The following GIT2 variants were observed in gnomAD, a reference collection of about 807,000 sequenced individuals.
The protein encoded by GIT2 is GIT ArfGAP 2.
GIT2 carries 32 observed loss-of-function variants against 100.3 expected under a neutral mutation model. That is an observed-to-expected ratio of 0.32 (90% CI 0.24 to 0.43). The LOEUF is 0.43. Ranked by LOEUF, GIT2 falls within the 20% of genes least tolerant of loss-of-function variation. The pLI, the probability that GIT2 is intolerant of heterozygous loss-of-function variation, is 1.00. For synonymous variants in GIT2, 353 were observed against 364.1 expected (o/e 0.97, Z 0.35); for missense variants, 737 against 975.1 (o/e 0.76, Z 3.25).
rs576593189 is a variant in GIT2, at chr12:109,970,417, C to T, written c.719-2914G>A. Among the ~76,000 whole-genome samples, 10 of 152,172 alleles carry T rather than the reference C, an allele frequency of 6.6e-5. No individual in the cohort carries two copies. The South Asian group carries it at 1.2e-3, about 19-fold the overall frequency. On this transcript the variant is annotated intron_variant, in intron 7 of 19. Transcript: ENST00000355312. ...CTGAGGCAGAAGAATCACTTGAACC[C>T]GGGAGGCCGAGGTTGCAGTGAGCCA... is the stretch of plus-strand genomic sequence containing the variant.
intron 16 of GIT2, among the ~76,000 whole-genome samples, chr12:109,941,377 T>G (rs563153154): frequency 6.6e-6 from 1 of 152,162 alleles, no homozygotes; most frequent in Non-Finnish European, 1.5e-5. Context: ...TCTGGCTTTA[T>G]GAACAGTCAG....
upstream of GIT2, chr12:109,998,070 G>A (rs1349806409): frequency 2.0e-5 from 3 of 152,160 alleles, no homozygotes; most frequent in Non-Finnish European, 4.4e-5. Flanking sequence ...GAGATAGGGA[G>A]ATTTTCAATA....
Position 109,947,548 on chromosome 12 carries a change from A to G in GIT2, c.1393-44T>C. 6.3e-7 allele frequency: 1 copy of G among 1,576,284 alleles called. No individual in the cohort carries two copies. Among genetic ancestry groups the G allele is most frequent in the Non-Finnish European group, 8.7e-7 (1 of 1,154,630 alleles). Reference sequence around the variant, plus strand: ...AGTGGGACTGTGTTTTTTTACAGCAAGCAGAAAAAGCAAACACCAAGTAAA... The same window carrying G: ...AGTGGGACTGTGTTTTTTTACAGCAGGCAGAAAAAGCAAACACCAAGTAAA... On this transcript the variant is annotated intron_variant, in intron 14 of 19. Coordinates refer to ENST00000355312, the MANE Select transcript of GIT2 (RefSeq NM_057169.5). This position sits in a 1 kb window ranked among gnomAD's most constrained non-coding sequence, Gnocchi z 4.3.
intron 16 of GIT2, among the ~76,000 whole-genome samples, chr12:109,941,570 G>A (rs1156832272): frequency 6.6e-6 from 1 of 151,224 alleles, no homozygotes; most frequent in Non-Finnish European, 1.5e-5. Flanking sequence ...TGTTGCCTGT[G>A]GAGTGCAATG....
intron 9 of GIT2, among the ~76,000 whole-genome samples, chr12:109,963,468 A>T (rs973716483): frequency 6.6e-6 from 1 of 152,260 alleles, no homozygotes; most frequent in Non-Finnish European, 1.5e-5. Flanking sequence ...TATTTCACTT[A>T]TAACACCTCT....
intron 18 of GIT2, among the ~76,000 whole-genome samples, chr12:109,937,018 G>A (rs1366946465): frequency 6.6e-6 from 1 of 152,206 alleles, no homozygotes; most frequent in Admixed American, 6.5e-5. Flanking sequence ...ATGGTATGAA[G>A]AGAATGCCTG....
chr12:109,933,943 A>G lies in GIT2; in HGVS notation c.2067+79T>C, dbSNP rs1872289027. 3 of 827,344 alleles carry G rather than the reference A, an allele frequency of 3.6e-6. No homozygotes were observed. The South Asian group carries it at 4.0e-5, about 11-fold the overall frequency. 51.3% of individuals were successfully genotyped at this position (827,344 alleles called of 1,614,324 possible). On this transcript the variant is annotated intron_variant, in intron 19 of 19. Transcript: ENST00000355312. The surrounding 1 kb of genome is among the most constrained non-coding windows in gnomAD (Gnocchi z 4.5). Reference sequence around the variant, plus strand: ...AACTGCATGTGCTACAAAAAAGCTAATGTAATATATAGGTCATAAAGAAAT... The same window carrying G: ...AACTGCATGTGCTACAAAAAAGCTAGTGTAATATATAGGTCATAAAGAAAT...
chr12:109,983,415 C>T lies in GIT2; in HGVS notation c.581G>A (p.Gly194Asp), dbSNP rs768101483. ...AGTTTTCCCACTAGAATCCTGTGTG[C>T]CTGGGTCTGCTCCATATACTGCCAA... ...ELLAVYGADPGTQDSSGKTPV... is the reference protein window; with the variant it reads ...ELLAVYGADPDTQDSSGKTPV... The change falls in exon 6 of 20, where the codon GGC becomes GAC. Residue 194 changes from glycine to aspartate, a missense_variant. Physicochemically the swap from Gly to Asp is moderately conservative, Grantham distance 94 (BLOSUM62 -1). Transcript: ENST00000355312. 1.9e-6 allele frequency: 3 copies of T among 1,613,640 alleles called. No individual in the cohort carries two copies. The African/African-American group carries it at 4.0e-5, about 22-fold the overall frequency.
At position 109,930,007 on chromosome 12, in the gene GIT2, A is replaced by G. The variant is rs1256837561; in HGVS notation, c.*2971T>C. On this transcript the variant is annotated 3_prime_UTR_variant, in exon 20 of 20. Coordinates refer to ENST00000355312, the MANE Select transcript of GIT2 (RefSeq NM_057169.5). The stretch of plus-strand genomic sequence containing the variant: ...TCTTTTCTAGGAACACGTTACCTTC[A>G]ACCAGGACAAGGAAAGAAAGAAAAC... 6.6e-6 allele frequency: 1 copy of G among 152,520 alleles called. No homozygotes were observed. Among genetic ancestry groups the G allele is most frequent in the Non-Finnish European group, 1.5e-5 (1 of 68,038 alleles). 9.4% of individuals were successfully genotyped at this position (152,520 alleles called of 1,614,324 possible). A position where few individuals can be genotyped will look rare whatever the true frequency, so the allele number is the denominator to read the frequency against.
At chr12:109,935,746 G>A (rs901638842) in intron 18 of GIT2, among the ~76,000 whole-genome samples, 1 of 152,100 alleles carries the variant, frequency 6.6e-6, no homozygotes, top group Non-Finnish European at 1.5e-5. Context: ...TGAGAAATAC[G>A]ATTCACCCTT....
chr12:109,959,888 G>C lies in GIT2; in HGVS notation c.1058C>G (p.Ala353Gly). 6.2e-7 allele frequency: 1 copy of C among 1,613,324 alleles called. No individual in the cohort carries two copies. Among genetic ancestry groups the C allele is most frequent in the Non-Finnish European group, 8.5e-7 (1 of 1,179,374 alleles). ...ATLVIDILSD[A>G]KRRQQGSSLS... ...AGAACTGCCCTGCTGTCTCCTCTTG[G>C]CGTCACTGAGAATGTCAATGACCAG... The change falls in exon 12 of 20, where the codon GCC becomes GGC. Residue 353 changes from alanine (A) to glycine (G), a missense_variant. By Grantham distance (60) the Ala-to-Gly change is moderately conservative (BLOSUM62 0). Transcript: ENST00000355312.
chr12:109,941,978 C>A (rs1231539580), intron 16 of GIT2, among the ~76,000 whole-genome samples: 5 of 152,056 alleles, frequency 3.3e-5, no homozygotes, highest in African/African-American at 1.2e-4. Flanking sequence ...GCCCGTGCCA[C>A]CACGCTTGGC....
intron 7 of GIT2, among the ~76,000 whole-genome samples, chr12:109,980,137 A>G (rs1021710988): frequency 6.6e-6 from 1 of 152,016 alleles, no homozygotes; most frequent in East Asian, 1.9e-4. Context: ...GCAGTGGCAC[A>G]ATCATAGCTC....
Position 109,988,999 on chromosome 12 carries a change from C to T in GIT2, c.369G>A (p.Arg123=), listed in dbSNP as rs35851164. Residue 123 remains arginine (R), a synonymous_variant, in exon 4 of 20, where the codon CGG becomes CGA. Transcript: ENST00000355312. The part of the protein sequence containing the change: ...MLAFVHRLPC[R]DDDSVTAKDL... The stretch of plus-strand genomic sequence containing the variant: ...CTTTGGCAGTCACACTATCGTCATC[C>T]CGGCAGGGCAAGCGATGGACGAACG... 9,667 of 1,612,074 alleles carry T rather than the reference C, an allele frequency of 6.0e-3. 78 individuals are homozygous for T. Among genetic ancestry groups the T allele is most frequent in the Non-Finnish European group, 6.1e-3 (7,210 of 1,178,258 alleles).
chr12:109,982,395 T>C (rs1886473097), intron 6 of GIT2: 2 of 152,222 alleles, frequency 1.3e-5, no homozygotes, highest in African/African-American at 4.8e-5. Flanking sequence ...TTGAACTCTT[T>C]CAGGCATTTA....
intron 7 of GIT2, among the ~76,000 whole-genome samples, chr12:109,973,426 C>T (rs1368018512): frequency 6.6e-6 from 1 of 151,936 alleles, no homozygotes; most frequent in Non-Finnish European, 1.5e-5. Flanking sequence ...CAGGCATGAG[C>T]CATCGCGCCC....
chr12:109,986,692 G>T (rs1887450694), intron 4 of GIT2, among the ~76,000 whole-genome samples: 1 of 152,182 alleles, frequency 6.6e-6, no homozygotes, highest in Non-Finnish European at 1.5e-5. Flanking sequence ...ATGAACCCGG[G>T]AGGCGGAGCT....
chr12:109,977,008 T>C (rs1885241493), intron 7 of GIT2, among the ~76,000 whole-genome samples: 1 of 152,322 alleles, frequency 6.6e-6, no homozygotes, highest in African/African-American at 2.4e-5. Context: ...TTCCTAAAGT[T>C]CCAAGATTCC....
At chr12:109,939,955 TTA>T (rs1308592983) in intron 16 of GIT2, 3 of 152,170 alleles carry the variant, frequency 2.0e-5, no homozygotes, top group Non-Finnish European at 2.9e-5. Context: ...CACCTTCAGA[TTA>T]TCTCATTGAG....
Sources: gnomAD v4.1 joint callset for allele counts (sites outside exome capture counted in the v4.1 genomes callset) on GRCh38, gnomAD v4.1.1 for gene constraint, Gnocchi (gnomAD v3.1) non-coding constraint, MANE v1.5 for transcripts, NCBI Gene and HGNC (gene_info 2026-07-23, HGNC 2026-07-21) for gene names.